The following COL5A2 variants were observed in gnomAD, a reference collection of about 807,000 sequenced individuals.
COL5A2 encodes collagen type V alpha 2 chain.
COL5A2 carries 23 observed loss-of-function variants against 208.2 expected under a neutral mutation model. The observed-to-expected ratio is 0.11, with a 90% CI of 0.08 to 0.16. The LOEUF (loss-of-function observed/expected upper bound fraction) is 0.16, where lower values mean the gene tolerates loss of function less well. Among genes scored for constraint, COL5A2 ranks in the 10% least tolerant of loss-of-function variants. The pLI, the probability that COL5A2 is intolerant of heterozygous loss-of-function variation, is 1.00. For missense variants in COL5A2, 1,590 were observed against 1,956.4 expected (o/e 0.81, Z 3.53); for synonymous variants, 625 against 628.5 (o/e 0.99, Z 0.08).
chr2:189,144,089 T>C lies in COL5A2; in HGVS notation c.98-33640A>G, dbSNP rs1410251434. 4.6e-5 allele frequency among the ~76,000 whole-genome samples: 7 copies of C among 152,132 alleles called. No homozygotes were observed. The South Asian group carries it at 6.2e-4, about 14-fold the overall frequency. ...TTATCATCTGCAAACCAGATGGTTA[T>C]GGCAAGGGGTGTGGACATTCAAACA... is the stretch of plus-strand genomic sequence containing the variant. On this transcript the variant is annotated intron_variant, in intron 1 of 53. Coordinates refer to ENST00000374866, the MANE Select transcript of COL5A2 (RefSeq NM_000393.5).
chr2:189,066,744 G>A lies in COL5A2; in HGVS notation c.1440C>T (p.Gly480=), dbSNP rs368133226. Residue 480 remains glycine, a synonymous_variant, in exon 22 of 54, where the codon GGC becomes GGT. Coordinates refer to ENST00000374866, the MANE Select transcript of COL5A2 (RefSeq NM_000393.5). The stretch of plus-strand genomic sequence containing the variant: ...GAAACCTTACTGGTTCCCCTTTTGG[G>A]CCAGCTTCTCCTTTGAAACCTGGAA... ...PGVPGFKGEA[G]PKGEPGPHGI... is the part of the protein sequence containing the mutation. The A allele has an allele frequency of 6.2e-7, 1 of 1,613,188 alleles. No homozygotes were observed. The highest frequency in any genetic ancestry group is 8.5e-7 in the Non-Finnish European group (1 of 1,179,482).
intron 7 of COL5A2, among the ~76,000 whole-genome samples, chr2:189,089,239 T>G (rs145476336): frequency 1.4e-4 from 21 of 152,346 alleles, no homozygotes; most frequent in African/African-American, 4.8e-4. Flanking sequence ...CAATGCCCAG[T>G]AAACTTTAAA....
In COL5A2 at chr2:189,068,878, C is replaced by A. The variant is rs1001063455; in HGVS notation, c.1165G>T (p.Ala389Ser). The change falls in exon 19 of 54, where the codon GCA (alanine) becomes TCA (serine). Residue 389 changes from alanine (A) to serine (S), a missense_variant. Coordinates refer to ENST00000374866, the MANE Select transcript of COL5A2 (RefSeq NM_000393.5). ...GGGCCTCGCGCCCCTGTAGGACCTGCTTCTCCCTAAAAGGGTGCAAAGGGA... is the reference window on the plus strand; with the variant it reads ...GGGCCTCGCGCCCCTGTAGGACCTGATTCTCCCTAAAAGGGTGCAAAGGGA... ...FPGNPGMKGE[A>S]GPTGARGPEG... The A allele has an allele frequency of 5.6e-6, 9 of 1,609,416 alleles. No individual in the cohort carries two copies. Among genetic ancestry groups the A allele is most frequent in the Admixed American group, 1.7e-5 (1 of 59,942 alleles).
rs13431520 is a variant in COL5A2 at position 189,081,982 on chromosome 2, G to A, written c.853-939C>T. Among the ~76,000 whole-genome samples, 501 of 152,212 alleles carry A rather than the reference G, an allele frequency of 3.3e-3. 1 individual carries two copies. The highest frequency in any genetic ancestry group is 0.011 in the African/African-American group (454 of 41,544). Reference sequence around the variant, plus strand: ...ATTGAGCACCTTGATAGCATTGATTGATGTGATCACTTATTGATTATTATT... The same window carrying A: ...ATTGAGCACCTTGATAGCATTGATTAATGTGATCACTTATTGATTATTATT... On this transcript the variant is annotated intron_variant, in intron 12 of 53. Transcript: ENST00000374866.
chr2:189,229,878 T>C (rs192534456), upstream of COL5A2, among the ~76,000 whole-genome samples: 2 of 151,592 alleles, frequency 1.3e-5, no homozygotes, highest in Non-Finnish European at 1.5e-5. Flanking sequence ...CAAAATAACT[T>C]TGGGAAAGAA....
the COL5A2 span, among the ~76,000 whole-genome samples, chr2:189,320,923 C>A: frequency 1.2e-4 from 18 of 152,294 alleles, no homozygotes; most frequent in Non-Finnish European, 2.2e-4. Context: ...AGAGAAAGGT[C>A]GGGTTACCCA....
the COL5A2 span, among the ~76,000 whole-genome samples, chr2:189,236,270 T>C: frequency 1.5e-4 from 22 of 151,710 alleles, no homozygotes; most frequent in African/African-American, 5.3e-4. Flanking sequence ...GTGAGTCCTA[T>C]AAATCATCAA....
the COL5A2 span, among the ~76,000 whole-genome samples, chr2:189,294,147 A>T: frequency 6.6e-6 from 1 of 151,696 alleles, no homozygotes; most frequent in African/African-American, 2.4e-5. Flanking sequence ...AAGCAGCCTG[A>T]ACGGGCTGAT....
chr2:189,378,403 A>C, the COL5A2 span, among the ~76,000 whole-genome samples: 1 of 152,018 alleles, frequency 6.6e-6, no homozygotes, highest in Admixed American at 6.6e-5. Flanking sequence ...GAAGGCTAAA[A>C]TGAGTCATCT....
At chr2:189,044,608 A>T (rs994244566) in intron 47 of COL5A2, among the ~76,000 whole-genome samples, 1 of 152,202 alleles carries the variant, frequency 6.6e-6, no homozygotes, top group African/African-American at 2.4e-5. Flanking sequence ...TAATATGGCC[A>T]TGATTTTCAA....
chr2:189,341,115 C>A, the COL5A2 span, among the ~76,000 whole-genome samples: 1 of 152,026 alleles, frequency 6.6e-6, no homozygotes, highest in Admixed American at 6.6e-5. Context: ...GAAGCCAAAG[C>A]TTAATGAAAT....
At chr2:189,082,479 G>T (rs1401420575) in intron 12 of COL5A2, among the ~76,000 whole-genome samples, 3 of 152,120 alleles carry the variant, frequency 2.0e-5, no homozygotes, top group African/African-American at 7.2e-5. Context: ...ACAGAGATTT[G>T]TCTCCTCTCC....
intron 2 of COL5A2, among the ~76,000 whole-genome samples, chr2:189,107,441 G>T (rs74988249): frequency 7.9e-5 from 12 of 151,074 alleles, no homozygotes; most frequent in African/African-American, 2.7e-4. Context: ...TTTGCTTTAG[G>T]TTAGATCTTT....
At position 189,085,145 on chromosome 2, in the gene COL5A2, G is replaced by A. The variant is rs1476791697; in HGVS notation, c.798+15C>T. On this transcript the variant is annotated intron_variant, in intron 11 of 53. Coordinates refer to ENST00000374866, the MANE Select transcript of COL5A2 (RefSeq NM_000393.5). Reference sequence around the variant, plus strand: ...TCTTCAAAACCTGAATGGAAAATGAGGAAAGGTAGCTTACATCTTCCCCAG... The same window carrying A: ...TCTTCAAAACCTGAATGGAAAATGAAGAAAGGTAGCTTACATCTTCCCCAG... 1.2e-6 allele frequency: 2 copies of A among 1,609,180 alleles called. No homozygotes were observed. Among genetic ancestry groups the A allele is most frequent in the Admixed American group, 1.7e-5 (1 of 59,660 alleles).
At chr2:189,348,265 A>G in the COL5A2 span, among the ~76,000 whole-genome samples, 2 of 152,178 alleles carry the variant, frequency 1.3e-5, no homozygotes, top group Non-Finnish European at 2.9e-5. Context: ...ACATATTATC[A>G]CCAGTGTAAA....
chr2:189,249,849 A>G, the COL5A2 span, among the ~76,000 whole-genome samples: 2 of 152,138 alleles, frequency 1.3e-5, no homozygotes, highest in African/African-American at 4.8e-5. Flanking sequence ...GGTGCCCGCC[A>G]CCACACCCAG....
intron 22 of COL5A2, 102 bp downstream of exon 22, chr2:189,066,627 C>G: frequency 7.5e-7 from 1 of 1,331,214 alleles, no homozygotes; most frequent in Non-Finnish European, 1.1e-6. Flanking sequence ...TCATCTCAAG[C>G]TATTATAATT....
the COL5A2 span, among the ~76,000 whole-genome samples, chr2:189,239,622 G>A: frequency 8.6e-6 from 1 of 116,342 alleles, no homozygotes; most frequent in Admixed American, 1.1e-4. Context: ...ACTGTTGTGG[G>A]GTGGGGGGAG....
intron 16 of COL5A2, 88 bp downstream of exon 16, chr2:189,078,428 T>C: frequency 9.4e-7 from 1 of 1,065,330 alleles, no homozygotes; most frequent in Non-Finnish European, 1.5e-6. Context: ...ACTATTACTT[T>C]CATTTAAAAG....
Sources: allele counts gnomAD v4.1 joint callset (sites outside exome capture counted in the v4.1 genomes callset), GRCh38; gene constraint gnomAD v4.1.1; transcripts MANE v1.5; gene names NCBI Gene and HGNC (gene_info 2026-07-23, HGNC 2026-07-21).